TES: variants seen among roughly 807,000 people sequenced by gnomAD.
TES encodes the protein testin LIM domain protein.
In TES, 41 loss-of-function variants were observed where a neutral mutation model predicts 48.2. That is an observed-to-expected ratio of 0.85 (90% CI 0.66 to 1.10). The LOEUF (loss-of-function observed/expected upper bound fraction) is 1.10. Ranked by LOEUF, TES falls within the 50% of genes least tolerant of loss-of-function variation. The pLI is 0.00. For synonymous variants in TES, 162 were observed against 174.9 expected (o/e 0.93, Z 0.58); for missense variants, 463 against 515.1 (o/e 0.90, Z 0.98).
chr7:116,212,077 C>T (rs73220501), intron 1 of TES, among the ~76,000 whole-genome samples: 60,075 of 151,944 alleles, frequency 0.4, 13,107 homozygotes, highest in East Asian at 0.71. Context: ...GGGGGAAAAG[C>T]GGGGAAAGCA....
chr7:116,233,260 T>C (rs1422430428), intron 1 of TES, among the ~76,000 whole-genome samples: 1 of 152,182 alleles, frequency 6.6e-6, no homozygotes, highest in South Asian at 2.1e-4. Context: ...CTCTTTTTTT[T>C]CCAATATCAG....
In TES at chr7:116,251,963, T is replaced by C. The variant is rs1339096139; in HGVS notation, c.906T>C (p.Ala302=). ...HYCDSEKPRC[A]GCDELIFSNE... is the part of the protein sequence containing the mutation. ...GTGACAGCGAGAAACCCCGATGTGC[T>C]GGCTGTGACGAGGTATGTTCTATGG... Residue 302 remains alanine (A), a synonymous_variant, in exon 5 of 7, where the codon GCT becomes GCC. Coordinates refer to ENST00000358204, the MANE Select transcript of TES (RefSeq NM_015641.4). 6.2e-7 allele frequency: 1 copy of C among 1,614,188 alleles called. No homozygotes were observed. Among genetic ancestry groups the C allele is most frequent in the East Asian group, 2.2e-5 (1 of 44,870 alleles).
chr7:116,233,554 G>C (rs190977135), intron 1 of TES, among the ~76,000 whole-genome samples: 105 of 152,254 alleles, frequency 6.9e-4, no homozygotes, highest in Admixed American at 3.1e-3. Flanking sequence ...TAGTCTCTGA[G>C]TTTCAGCAAA....
At chr7:116,238,398 G>A (rs992988819) in intron 2 of TES, 3 of 152,104 alleles carry the variant, frequency 2.0e-5, no homozygotes, top group Admixed American at 6.5e-5. Context: ...TCATTTTACA[G>A]ATCAAAGACC....
At position 116,257,539 on chromosome 7, in the gene TES, C is replaced by A; in HGVS notation, c.*57C>A. On this transcript the variant is annotated 3_prime_UTR_variant, in exon 7 of 7. Coordinates refer to ENST00000358204, the MANE Select transcript of TES (RefSeq NM_015641.4). ...CTATCCAAAGTGGTCTGCATTTCTA[C>A]TGTAAAATGCAATTTGAAAAAAATA... 1.6e-6 allele frequency: 2 copies of A among 1,247,860 alleles called. No homozygotes were observed. The highest frequency in any genetic ancestry group is 2.1e-6 in the Non-Finnish European group (2 of 960,232). The allele number at this position is 1,247,860 out of a possible 1,614,324, so 77.3% of individuals were successfully genotyped here. A position where few individuals can be genotyped will look rare whatever the true frequency, so the allele number is the denominator to read the frequency against.
At chr7:116,230,883 A>G (rs903314946) in intron 1 of TES, among the ~76,000 whole-genome samples, 4 of 152,040 alleles carry the variant, frequency 2.6e-5, no homozygotes, top group Non-Finnish European at 5.9e-5. Flanking sequence ...CAGCCTTTCC[A>G]TTGTAATTCA....
At position 116,257,352 on chromosome 7, in the gene TES, A is replaced by G. The variant is rs201714316; in HGVS notation, c.1136A>G (p.Asn379Ser). ...DPEVQRVTYN[N>S]FSWHASTECF... is the part of the protein sequence containing the mutation. ...GAAGTGCAGCGGGTGACCTATAACA[A>G]TTTCAGCTGGCATGCATCCACAGAG... Residue 379 changes from asparagine to serine, a missense_variant, in exon 7 of 7, where the codon AAT becomes AGT. Transcript: ENST00000358204. The G allele has an allele frequency of 2.7e-3, 4,383 of 1,613,978 alleles. 137 individuals carry two copies. In the South Asian group the frequency reaches 0.045, roughly 17 times the overall value.
intron 1 of TES, 116 bp from the exon 2 acceptor site, chr7:116,234,418 A>ATTTGT: frequency 1.2e-6 from 1 of 842,556 alleles, no homozygotes; most frequent in Non-Finnish European, 1.9e-6. Context: ...TAAATATAAG[A>ATTTGT]TTTGTTTGAA....
chr7:116,251,798 C>T lies in TES; in HGVS notation c.741C>T (p.Asp247=), dbSNP rs117269372. Residue 247 remains aspartate, a synonymous_variant, in exon 5 of 7, where the codon GAC becomes GAT. Coordinates refer to ENST00000358204, the MANE Select transcript of TES (RefSeq NM_015641.4). ...YCCKLSMKEG[D]PAIYAERAGY... ...GCAAACTGAGTATGAAAGAAGGTGA[C>T]CCAGCCATCTATGCCGAAAGGGCTG... 9 of 1,614,176 alleles carry T rather than the reference C, an allele frequency of 5.6e-6. No individual in the cohort carries two copies. The East Asian group carries it at 2.0e-4, about 36-fold the overall frequency.
At chr7:116,252,209 C>T (rs1800025779) in intron 5 of TES, 109 bp from the exon 6 acceptor site, 1 of 1,249,330 alleles carries the variant, frequency 8.0e-7, no homozygotes, top group African/African-American at 1.5e-5. Flanking sequence ...AGCATAAGTT[C>T]AAGCTTTAGG....
chr7:116,252,252 T>C (rs1248650040), intron 5 of TES, 66 bp from the exon 6 acceptor site: 34 of 1,487,388 alleles, frequency 2.3e-5, no homozygotes, highest in Middle Eastern at 1.9e-4. Flanking sequence ...CCTGAGAAAG[T>C]ATGTTGTTAC....
At chr7:116,231,765 A>C (rs935512673) in intron 1 of TES, among the ~76,000 whole-genome samples, 2 of 152,124 alleles carry the variant, frequency 1.3e-5, no homozygotes, top group South Asian at 4.1e-4. Flanking sequence ...TTCTTATCAG[A>C]GTCTGTTCTG....
chr7:116,220,893 G>A (rs1219607053), intron 1 of TES, among the ~76,000 whole-genome samples: 3 of 152,138 alleles, frequency 2.0e-5, no homozygotes, highest in Non-Finnish European at 4.4e-5. Context: ...ACAAAGTATG[G>A]TGCCTACACA....
At chr7:116,246,547 T>A (rs1799925320) in intron 2 of TES, among the ~76,000 whole-genome samples, 1 of 152,220 alleles carries the variant, frequency 6.6e-6, no homozygotes, top group South Asian at 2.1e-4. Flanking sequence ...ACCTCTCCAG[T>A]CTTATCACCC....
chr7:116,216,111 G>A (rs936609348), intron 1 of TES, among the ~76,000 whole-genome samples: 1 of 152,124 alleles, frequency 6.6e-6, no homozygotes, highest in Non-Finnish European at 1.5e-5. Flanking sequence ...GTTACCAAGA[G>A]GGGCTTTCTT....
At chr7:116,226,935 AAG>A (rs1470703133) in intron 1 of TES, among the ~76,000 whole-genome samples, 4 of 152,166 alleles carry the variant, frequency 2.6e-5, no homozygotes, top group Non-Finnish European at 5.9e-5. Context: ...TTAGCAAAGA[AAG>A]AGAAATGTAG....
intron 4 of TES, chr7:116,251,476 A>G (rs1800006978): frequency 3.0e-6 from 1 of 334,886 alleles, no homozygotes; most frequent in African/African-American, 2.1e-5. Context: ...AGGTCAGGAG[A>G]TTGAGACCAT....
Position 116,246,946 on chromosome 7 carries a change from C to CTTTTTTTTT in TES, c.114-2074_114-2073insTTTTTTTTT, listed in dbSNP as rs148032626. ...AGTTCTAGAAATCAGAGACTAGGCC[C>CTTTTTTTTT]CTTTTTTTTTTTTTTTTTTTTAAGC... On this transcript the variant is annotated intron_variant, in intron 2 of 6. Transcript: ENST00000358204. Among the ~76,000 whole-genome samples, 4 of 131,046 alleles carry CTTTTTTTTT rather than the reference C, an allele frequency of 3.1e-5. 2 individuals carry two copies. 86.0% of individuals were successfully genotyped at this position (131,046 alleles called of 152,430 possible). A position where few individuals can be genotyped will look rare whatever the true frequency, so the allele number is the denominator to read the frequency against.
chr7:116,253,851 G>A (rs1800054657), intron 6 of TES, among the ~76,000 whole-genome samples: 1 of 151,732 alleles, frequency 6.6e-6, no homozygotes, highest in Non-Finnish European at 1.5e-5. Flanking sequence ...TGTGTGTGTG[G>A]GTGGGTGTGT....
Sources: gnomAD v4.1 joint callset for allele counts (sites outside exome capture counted in the v4.1 genomes callset) on GRCh38, gnomAD v4.1.1 for gene constraint, MANE v1.5 for transcripts, NCBI Gene and HGNC (gene_info 2026-07-23, HGNC 2026-07-21) for gene names.